The following GOLGA1 variants were observed in gnomAD, a reference collection of about 807,000 sequenced individuals.
The protein encoded by GOLGA1 is golgin subfamily A member 1.
GOLGA1 carries 63 observed loss-of-function variants against 119.7 expected under a neutral mutation model. The ratio of observed to expected loss-of-function variants is 0.53; its 90% confidence interval spans 0.43 to 0.65. GOLGA1 has a LOEUF of 0.65. GOLGA1 is among the 30% of genes least tolerant of loss of function. GOLGA1 has a pLI of 0.00. For synonymous variants in GOLGA1, 318 were observed against 333.4 expected, an observed-to-expected ratio of 0.95 and a Z score of 0.50; for missense variants, 798 against 912.8, an observed-to-expected ratio of 0.87 and a Z score of 1.62.
intron 10 of GOLGA1, among the ~76,000 whole-genome samples, chr9:124,918,519 CTT>C (rs778763348): frequency 2.6e-5 from 4 of 152,186 alleles, no homozygotes; most frequent in Non-Finnish European, 4.4e-5. Context: ...AATCCCAGCA[CTT>C]TGAGGGCCGA....
Position 124,926,265 on chromosome 9 carries a change from C to T in GOLGA1, c.432+444G>A, listed in dbSNP as rs191830279. ...ACAAAAACTATGTCAAGAAGGCAAA[C>T]CAAAGGTCCAACTGAAGCTGTGACT... On this transcript the variant is annotated intron_variant, in intron 7 of 22. Coordinates refer to ENST00000373555, the MANE Select transcript of GOLGA1 (RefSeq NM_002077.4). 1.7e-3 allele frequency among the ~76,000 whole-genome samples: 256 copies of T among 152,258 alleles called. 1 individual carries two copies. Among genetic ancestry groups the T allele is most frequent in the African/African-American group, 6.0e-3 (248 of 41,544 alleles).
At chr9:124,897,132 T>C (rs76678512) in intron 15 of GOLGA1, among the ~76,000 whole-genome samples, 1,742 of 152,260 alleles carry the variant, frequency 0.011, 89 homozygotes, top group Admixed American at 0.083. Context: ...TCCTCAAATA[T>C]TCACATTGTA....
In GOLGA1 at chr9:124,889,145, G is replaced by T; in HGVS notation, c.1759C>A (p.His587Asn). The change falls in exon 18 of 23, where the codon CAC (histidine) becomes AAC (asparagine). Residue 587 changes from histidine (H) to asparagine (N), a missense_variant and splice_region_variant. Transcript: ENST00000373555. ...ATGCAGGTGCAGCTGGGACTTACGT[G>T]CGACTCATTGACTGAGAGTGCTTCG... ...QAEALSVNES[H>N]VTSRAMQDPV... The T allele has an allele frequency of 1.2e-6, 2 of 1,607,266 alleles. No homozygotes were observed. Among genetic ancestry groups the T allele is most frequent in the Non-Finnish European group, 8.5e-7 (1 of 1,176,920 alleles).
At chr9:124,913,380 T>C (rs1830377076) in intron 10 of GOLGA1, among the ~76,000 whole-genome samples, 1 of 152,076 alleles carries the variant, frequency 6.6e-6, no homozygotes, top group African/African-American at 2.4e-5. Context: ...CCAGAAAAGG[T>C]TGTAGGGCAA....
chr9:124,931,235 T>C (rs1166196960), intron 4 of GOLGA1, 81 bp downstream of exon 4: 1 of 754,152 alleles, frequency 1.3e-6, no homozygotes, highest in Non-Finnish European at 2.4e-6. Flanking sequence ...TATAAAGTCA[T>C]CCTATATGGC....
At chr9:124,903,857 T>C (rs1032265678) in intron 12 of GOLGA1, among the ~76,000 whole-genome samples, 33 of 152,068 alleles carry the variant, frequency 2.2e-4, no homozygotes, top group African/African-American at 8.0e-4. Flanking sequence ...GAGACCATCT[T>C]GGTCAACATG....
intron 15 of GOLGA1, among the ~76,000 whole-genome samples, chr9:124,896,226 C>T (rs1355974530): frequency 6.6e-6 from 1 of 151,716 alleles, no homozygotes; most frequent in East Asian, 2.0e-4. Context: ...CCAGCCTGGC[C>T]AGTATGGTGA....
rs942866216 is a variant in GOLGA1 at position 124,921,825 on chromosome 9, C to T, written c.629G>A (p.Ser210Asn). 2 of 1,613,308 alleles carry T rather than the reference C, an allele frequency of 1.2e-6. No homozygotes were observed. Among genetic ancestry groups the T allele is most frequent in the Non-Finnish European group, 1.7e-6 (2 of 1,179,206 alleles). Residue 210 changes from serine (S) to asparagine (N), a missense_variant, in exon 9 of 23, where the codon AGT becomes AAT. Physicochemically the swap from Ser to Asn is conservative, Grantham distance 46. Transcript: ENST00000373555. Reference protein sequence around the residue: ...QELEARTRELSRTQEELMNSN... With the variant: ...QELEARTRELNRTQEELMNSN... ...GTTCATCAACTCCTCCTGGGTACGA[C>T]TAAGTTCTCTGGTTCGTGCCTCCAA...
At chr9:124,924,255 TA>T (rs1286654018) in intron 7 of GOLGA1, among the ~76,000 whole-genome samples, 1 of 151,888 alleles carries the variant, frequency 6.6e-6, no homozygotes, top group Admixed American at 6.6e-5. Flanking sequence ...GCACGTAGAT[TA>T]AAAGTAGAAC....
chr9:124,929,999 GTACC>G lies in GOLGA1; in HGVS notation c.227-713_227-710del, dbSNP rs562718030. 3.2e-3 allele frequency among the ~76,000 whole-genome samples: 493 copies of G among 152,232 alleles called. 4 individuals are homozygous for G. Among genetic ancestry groups the G allele is most frequent in the African/African-American group, 0.011 (463 of 41,552 alleles). On this transcript the variant is annotated intron_variant, in intron 4 of 22. Coordinates refer to ENST00000373555, the MANE Select transcript of GOLGA1 (RefSeq NM_002077.4). Reference sequence around the variant, plus strand: ...CATATATTAAATGATGATATTAATTGTACCTACCACAAAAGATGCATTAGATAAA... The same window carrying G: ...CATATATTAAATGATGATATTAATTGTACCACAAAAGATGCATTAGATAAA...
intron 15 of GOLGA1, among the ~76,000 whole-genome samples, chr9:124,895,743 T>TCCTCCACAACAGAGAA (rs1176600013): frequency 1.6e-5 from 1 of 63,278 alleles, no homozygotes; most frequent in Admixed American, 1.8e-4. Context: ...ACAACAGAGA[T>TCCTCCACAACAGAGAA]CCTCCACAAC....
chr9:124,897,408 G>T (rs1239311542), intron 15 of GOLGA1, among the ~76,000 whole-genome samples: 1 of 152,150 alleles, frequency 6.6e-6, no homozygotes, highest in African/African-American at 2.4e-5. Flanking sequence ...GCAGTGGCAT[G>T]ATCTTGGCTC....
intron 3 of GOLGA1, among the ~76,000 whole-genome samples, chr9:124,936,647 T>C (rs1830876593): frequency 6.6e-6 from 1 of 152,196 alleles, no homozygotes; most frequent in African/African-American, 2.4e-5. Context: ...TATGCAGTCT[T>C]GCTATGTTGC....
At position 124,905,034 on chromosome 9, in the gene GOLGA1, T is replaced by G. The variant is rs1050411762; in HGVS notation, c.1065+3343A>C. Among the ~76,000 whole-genome samples the G allele has an allele frequency of 5.4e-5, 8 of 149,308 alleles. No homozygotes were observed. The South Asian group carries it at 1.1e-3, about 20-fold the overall frequency. On this transcript the variant is annotated intron_variant, in intron 12 of 22. Transcript: ENST00000373555. Reference sequence around the variant, plus strand: ...GGTGGTACACACCCATAATTCCAGCTCTTTGGGAGGTTGAGGCAGGAGAAT... The same window carrying G: ...GGTGGTACACACCCATAATTCCAGCGCTTTGGGAGGTTGAGGCAGGAGAAT...
At position 124,908,476 on chromosome 9, in the gene GOLGA1, T is replaced by C. The variant is rs768581973; in HGVS notation, c.970-4A>G. 3 of 1,520,224 alleles carry C rather than the reference T, an allele frequency of 2.0e-6. No homozygotes were observed. The African/African-American group carries it at 4.1e-5, about 21-fold the overall frequency. 94.2% of individuals were successfully genotyped at this position (1,520,224 alleles called of 1,614,324 possible). A position where few individuals can be genotyped will look rare whatever the true frequency, so the allele number is the denominator to read the frequency against. ...AATTCTGCTCAGCAAGTGTTTTCTG[T>C]AAGTTGAAAGAAGAGTAAAAGAAGA... On this transcript the variant is annotated splice_region_variant and splice_polypyrimidine_tract_variant and intron_variant, in intron 11 of 22. Transcript: ENST00000373555.
At chr9:124,896,637 T>C (rs1156709164) in intron 15 of GOLGA1, among the ~76,000 whole-genome samples, 2 of 152,140 alleles carry the variant, frequency 1.3e-5, no homozygotes, top group Non-Finnish European at 2.9e-5. Flanking sequence ...ACATCACTTA[T>C]CTGCTTAAGA....
Position 124,923,090 on chromosome 9 carries a change from C to G in GOLGA1, c.561+5G>C. On this transcript the variant is annotated splice_donor_5th_base_variant and intron_variant, in intron 8 of 22. Coordinates refer to ENST00000373555, the MANE Select transcript of GOLGA1 (RefSeq NM_002077.4). ...GTATTTAGCTACTAAAACAAAAATG[C>G]ATACCATGTGCTTTATTTTACTTAG... is the stretch of plus-strand genomic sequence containing the variant. 6.2e-7 allele frequency: 1 copy of G among 1,600,734 alleles called. No individual in the cohort carries two copies. Among genetic ancestry groups the G allele is most frequent in the African/African-American group, 1.3e-5 (1 of 74,638 alleles).
At chr9:124,938,478 T>C (rs542367768) in intron 3 of GOLGA1, 99 bp downstream of exon 3, 5 of 1,009,778 alleles carry the variant, frequency 5.0e-6, no homozygotes, top group Admixed American at 2.0e-5. Flanking sequence ...CTTGTACAGC[T>C]ATAAACCATG....
chr9:124,937,688 T>C (rs557491875), intron 3 of GOLGA1, among the ~76,000 whole-genome samples: 1 of 152,102 alleles, frequency 6.6e-6, no homozygotes, highest in Non-Finnish European at 1.5e-5. Context: ...TCCTGTCATA[T>C]GCAAAAGCCA....
Sources: allele counts gnomAD v4.1 joint callset (sites outside exome capture counted in the v4.1 genomes callset), GRCh38; gene constraint gnomAD v4.1.1; transcripts MANE v1.5; gene names NCBI Gene and HGNC (gene_info 2026-07-23, HGNC 2026-07-21).